EAPP: variants seen among roughly 807,000 people sequenced by gnomAD.
The protein encoded by EAPP is E2F-associated phosphoprotein.
In EAPP, 38 loss-of-function variants were observed where a neutral mutation model predicts 34.3. That is an observed-to-expected ratio of 1.11 (90% CI 0.85 to 1.45). The LOEUF (loss-of-function observed/expected upper bound fraction) is 1.45, where lower values mean the gene tolerates loss of function less well. Among genes scored for constraint, EAPP ranks in the 40% most tolerant of loss-of-function variants. EAPP has a pLI of 0.00. For missense variants in EAPP, 338 were observed against 343.7 expected (o/e 0.98, Z 0.13); for synonymous variants, 113 against 117.6 (o/e 0.96, Z 0.25).
At chr14:34,534,574 G>T (rs17102597) in intron 2 of EAPP, among the ~76,000 whole-genome samples, 1 of 152,032 alleles carries the variant, frequency 6.6e-6, no homozygotes, top group Admixed American at 6.6e-5. Context: ...CCACATTTTA[G>T]TGCCATCTAA....
At position 34,536,110 on chromosome 14, in the gene EAPP, T is replaced by C; in HGVS notation, c.240A>G (p.Leu80=). ...NSTMKTMEDK[L]SSLGTGSSSG... Reference sequence around the variant, plus strand: ...AAAGTTTACCAGTTCCCAGAGAGGATAACTTGTCCTCCATTGTTTTCATGG... The same window carrying C: ...AAAGTTTACCAGTTCCCAGAGAGGACAACTTGTCCTCCATTGTTTTCATGG... The change falls in exon 2 of 6, where the codon TTA becomes TTG. Residue 80 remains leucine, a synonymous_variant. Coordinates refer to ENST00000250454, the MANE Select transcript of EAPP (RefSeq NM_018453.4). 6.2e-7 allele frequency: 1 copy of C among 1,609,888 alleles called. No homozygotes were observed. The highest frequency in any genetic ancestry group is 8.5e-7 in the Non-Finnish European group (1 of 1,178,806).
intron 4 of EAPP, among the ~76,000 whole-genome samples, chr14:34,526,512 C>T (rs1325535189): frequency 6.6e-6 from 1 of 150,536 alleles, no homozygotes; most frequent in Non-Finnish European, 1.5e-5. Flanking sequence ...TCACTTGAGC[C>T]TAGGAGTTTG....
At chr14:34,516,643 CATTTAGATAAA>C in intron 5 of EAPP, 57 bp from the exon 6 acceptor site, 1 of 1,505,610 alleles carries the variant, frequency 6.6e-7, no homozygotes, top group Non-Finnish European at 8.9e-7. Context: ...ATAGTTTATC[CATTTAGATAAA>C]ATTTGAGAAT....
chr14:34,535,874 G>A, intron 2 of EAPP: 1 of 437,148 alleles, frequency 2.3e-6, no homozygotes, highest in Non-Finnish European at 4.0e-6. Flanking sequence ...TCCAGCCTGG[G>A]TAACAGAATG....
Position 34,516,104 on chromosome 14 carries a change from C to T in EAPP, c.*206G>A. ...CATCAAAAACAGAATGAATATCAGT[C>T]CCATCAATAAGGGGGAAAATCAAAG... On this transcript the variant is annotated 3_prime_UTR_variant, in exon 6 of 6. Coordinates refer to ENST00000250454, the MANE Select transcript of EAPP (RefSeq NM_018453.4). 1 of 482,306 alleles carries T rather than the reference C, an allele frequency of 2.1e-6. No individual in the cohort carries two copies. The highest frequency in any genetic ancestry group is 3.6e-6 in the Non-Finnish European group (1 of 278,626). The allele number at this position is 482,306 out of a possible 1,614,324, so 29.9% of individuals were successfully genotyped here.
Position 34,529,414 on chromosome 14 carries a change from C to T in EAPP, c.414G>A (p.Leu138=), listed in dbSNP as rs746376771. 10 of 1,613,600 alleles carry T rather than the reference C, an allele frequency of 6.2e-6. No homozygotes were observed. In the East Asian group the frequency reaches 1.6e-4, roughly 25 times the overall value. The change falls in exon 4 of 6, where the codon CTG becomes CTA. Residue 138 remains leucine, a synonymous_variant. Coordinates refer to ENST00000250454, the MANE Select transcript of EAPP (RefSeq NM_018453.4). ...QHKIPTNDEL[L]YDPEKDNRDQ... is the part of the protein sequence containing the mutation. The stretch of plus-strand genomic sequence containing the variant: ...CTCTGTTATCTTTTTCAGGATCATA[C>T]AGTAATTCGTCATTTGTTGGAATCT...
intron 2 of EAPP, among the ~76,000 whole-genome samples, chr14:34,535,166 G>A (rs1284623294): frequency 2.1e-5 from 3 of 142,854 alleles, no homozygotes; most frequent in Non-Finnish European, 3.0e-5. Flanking sequence ...GTCTCACTCT[G>A]TTGCCCTGGC....
chr14:34,517,228 G>A (rs917884250), intron 5 of EAPP, among the ~76,000 whole-genome samples: 7 of 149,518 alleles, frequency 4.7e-5, no homozygotes, highest in East Asian at 3.9e-4. Flanking sequence ...GTGAGCCACC[G>A]CACCCAGACG....
intron 1 of EAPP, 93 bp downstream of exon 1, chr14:34,539,462 G>C: frequency 7.3e-7 from 1 of 1,373,562 alleles, no homozygotes; most frequent in East Asian, 2.3e-5. Context: ...AGCCGCTAGG[G>C]TCTGCGTAGG....
At chr14:34,523,874 T>C (rs1410587223) in intron 5 of EAPP, among the ~76,000 whole-genome samples, 1 of 152,074 alleles carries the variant, frequency 6.6e-6, no homozygotes, top group African/African-American at 2.4e-5. Context: ...TATAACTATA[T>C]ATAATCAAAA....
chr14:34,528,414 CCTTTTTTTT>C (rs1218343439), intron 4 of EAPP, among the ~76,000 whole-genome samples: 8 of 54,160 alleles, frequency 1.5e-4, no homozygotes, highest in African/African-American at 3.7e-4. Flanking sequence ...TCCACAAAAC[CCTTTTTTTT>C]TTTTTTTTTT....
intron 1 of EAPP, among the ~76,000 whole-genome samples, chr14:34,536,763 T>C (rs1880492019): frequency 6.6e-6 from 1 of 151,778 alleles, no homozygotes; most frequent in Non-Finnish European, 1.5e-5. Flanking sequence ...GCCCAGGCTG[T>C]AGTACAGTGG....
intron 5 of EAPP, among the ~76,000 whole-genome samples, chr14:34,518,198 G>A (rs981243197): frequency 3.3e-5 from 5 of 151,894 alleles, no homozygotes; most frequent in Non-Finnish European, 7.4e-5. Flanking sequence ...CTACTGTGTA[G>A]TTTAACTCTG....
At position 34,539,537 on chromosome 14, in the gene EAPP, G is replaced by T; in HGVS notation, c.74+18C>A. 1 of 1,604,400 alleles carries T rather than the reference G, an allele frequency of 6.2e-7. No homozygotes were observed. The highest frequency in any genetic ancestry group is 1.7e-5 in the Admixed American group (1 of 59,996). ...CTCGACCCAAATCCTCGGGGGCCAGGGTGGGGCGGGAGCCCACCTGCTCAA... is the reference window on the plus strand; with the variant it reads ...CTCGACCCAAATCCTCGGGGGCCAGTGTGGGGCGGGAGCCCACCTGCTCAA... On this transcript the variant is annotated intron_variant, in intron 1 of 5. Transcript: ENST00000250454.
chr14:34,516,430 T>C lies in EAPP; in HGVS notation c.738A>G (p.Ala246=), dbSNP rs773293643. The change falls in exon 6 of 6, where the codon GCA becomes GCG. Residue 246 remains alanine, a synonymous_variant. Coordinates refer to ENST00000250454, the MANE Select transcript of EAPP (RefSeq NM_018453.4). The stretch of plus-strand genomic sequence containing the variant: ...GATAGATTTCTTCCACATCTGTCTC[T>C]GCCTTCTCGGCAGCATCTTCCCGGT... ...RSNREDAAEK[A]ETDVEEIYHP... is the part of the protein sequence containing the mutation. 1.2e-6 allele frequency: 2 copies of C among 1,614,228 alleles called. No individual in the cohort carries two copies. The highest frequency in any genetic ancestry group is 4.5e-5 in the East Asian group (2 of 44,884).
Position 34,516,183 on chromosome 14 carries a change from A to G in EAPP, c.*127T>C. The G allele has an allele frequency of 1.1e-6, 1 of 906,876 alleles. No homozygotes were observed. Among genetic ancestry groups the G allele is most frequent in the Non-Finnish European group, 1.6e-6 (1 of 613,176 alleles). The allele number at this position is 906,876 out of a possible 1,614,324, so 56.2% of individuals were successfully genotyped here. On this transcript the variant is annotated 3_prime_UTR_variant, in exon 6 of 6. Coordinates refer to ENST00000250454, the MANE Select transcript of EAPP (RefSeq NM_018453.4). Reference sequence around the variant, plus strand: ...AAGAGATGAATGAAGGTTGACAACTATTCTCCTTTAAAAAGAGAAACACTG... The same window carrying G: ...AAGAGATGAATGAAGGTTGACAACTGTTCTCCTTTAAAAAGAGAAACACTG...
intron 4 of EAPP, among the ~76,000 whole-genome samples, chr14:34,528,941 C>T (rs1424322901): frequency 2.0e-5 from 3 of 151,740 alleles, no homozygotes; most frequent in African/African-American, 7.3e-5. Flanking sequence ...TCGAGACCAG[C>T]CTGGCCAACA....
chr14:34,536,428 G>C, intron 1 of EAPP, 153 bp from the exon 2 acceptor site: 1 of 454,706 alleles, frequency 2.2e-6, no homozygotes, highest in Non-Finnish European at 3.7e-6. Context: ...CACTTAATAA[G>C]CCAGTTCTGC....
intron 5 of EAPP, 26 bp downstream of exon 5, chr14:34,524,671 G>GTGTGTGTGTGTGTGTGTGTGTGTGT (rs749487302): frequency 8.6e-7 from 1 of 1,161,542 alleles, no homozygotes; most frequent in South Asian, 1.2e-5. Context: ...GTGTGTGTGT[G>GTGTGTGTGTGTGTGTGTGTGTGTGT]TGTGTGTGTG....
Sources: gnomAD v4.1 joint callset for allele counts (sites outside exome capture counted in the v4.1 genomes callset) on GRCh38, gnomAD v4.1.1 for gene constraint, MANE v1.5 for transcripts, NCBI Gene and HGNC (gene_info 2026-07-23, HGNC 2026-07-21) for gene names.